Variants in CYRIB observed in about 807,000 individuals in gnomAD.
The protein encoded by CYRIB is CYFIP related Rac1 interactor B.
A neutral mutation model predicts 44.2 loss-of-function variants in CYRIB; 8 were observed. The ratio of observed to expected loss-of-function variants is 0.18; its 90% CI spans 0.11 to 0.33. The LOEUF is 0.33. Among genes scored for constraint, CYRIB ranks in the 10% least tolerant of loss-of-function variants. The pLI, the probability that CYRIB is intolerant of heterozygous loss-of-function variation, is 1.00. For missense variants in CYRIB, 185 were observed against 382.8 expected (o/e 0.48, Z 4.31); for synonymous variants, 131 against 127.2 (o/e 1.03, Z -0.20).
chr8:129,935,085 T>C (rs2092552601), intron 1 of CYRIB, among the ~76,000 whole-genome samples: 1 of 152,240 alleles, frequency 6.6e-6, no homozygotes, highest in African/African-American at 2.4e-5. Context: ...CATCTCGTTA[T>C]TGGGCCACGA....
intron 1 of CYRIB, among the ~76,000 whole-genome samples, chr8:130,015,820 A>G (rs1211506727): frequency 2.0e-5 from 3 of 152,230 alleles, no homozygotes; most frequent in Non-Finnish European, 4.4e-5. Flanking sequence ...TGCTCTTTAA[A>G]CACAGGCGGG....
chr8:129,924,375 G>A (rs1466051815), intron 1 of CYRIB, among the ~76,000 whole-genome samples: 2 of 136,776 alleles, frequency 1.5e-5, no homozygotes, highest in Non-Finnish European at 3.1e-5. Context: ...GGGTAGATCT[G>A]TTTCCAGAAC....
chr8:129,863,374 A>C (rs1218260513), intron 4 of CYRIB, among the ~76,000 whole-genome samples: 1 of 151,978 alleles, frequency 6.6e-6, no homozygotes, highest in Non-Finnish European at 1.5e-5. Flanking sequence ...AAAATACAAA[A>C]ATTAGTCAGG....
At chr8:129,866,712 T>C (rs2053834838) in intron 4 of CYRIB, among the ~76,000 whole-genome samples, 1 of 152,218 alleles carries the variant, frequency 6.6e-6, no homozygotes, top group African/African-American at 2.4e-5. Flanking sequence ...ATTCTCACAA[T>C]ATAAAAATGC....
chr8:129,856,054 A>G (rs560258630), intron 5 of CYRIB, among the ~76,000 whole-genome samples: 1 of 152,358 alleles, frequency 6.6e-6, no homozygotes, highest in Middle Eastern at 3.4e-3. Flanking sequence ...GGCAAGTTTT[A>G]TATTACTTTA....
intron 3 of CYRIB, among the ~76,000 whole-genome samples, chr8:129,877,893 G>A (rs2059680918): frequency 6.6e-6 from 1 of 152,046 alleles, no homozygotes; most frequent in Admixed American, 6.6e-5. Context: ...GAGACAAAGA[G>A]GAAAAGGGAG....
intron 1 of CYRIB, among the ~76,000 whole-genome samples, chr8:129,936,704 CTTTTTTT>C (rs397893033): frequency 1.7e-5 from 2 of 118,244 alleles, no homozygotes; most frequent in East Asian, 2.6e-4. Flanking sequence ...ATATAGCAGT[CTTTTTTT>C]TTTTTTTTTT....
intron 1 of CYRIB, among the ~76,000 whole-genome samples, chr8:129,979,498 T>G (rs1564576119): frequency 6.6e-6 from 1 of 152,222 alleles, no homozygotes; most frequent in African/African-American, 2.4e-5. Context: ...TCTGGAAGGA[T>G]AAGTGAGAAC....
chr8:129,943,562 T>C (rs1292821933), upstream of CYRIB, among the ~76,000 whole-genome samples: 5 of 145,630 alleles, frequency 3.4e-5, no homozygotes, highest in Non-Finnish European at 6.0e-5. Flanking sequence ...ACCACTGCAC[T>C]CCAGCCTGGG....
At chr8:129,988,620 G>A (rs2096544447) in intron 1 of CYRIB, among the ~76,000 whole-genome samples, 1 of 152,142 alleles carries the variant, frequency 6.6e-6, no homozygotes, top group Admixed American at 6.5e-5. Context: ...TCTGCTCCCT[G>A]TGGGCGTTGG....
At chr8:130,016,770 C>T (rs1430371998), upstream of CYRIB, 2 of 150,892 alleles carry the variant, frequency 1.3e-5, no homozygotes, top group African/African-American at 2.4e-5. Flanking sequence ...ACCCCGCGCC[C>T]GCCTGGCCCG....
At chr8:130,007,826 T>G (rs900734114) in intron 1 of CYRIB, among the ~76,000 whole-genome samples, 1 of 151,994 alleles carries the variant, frequency 6.6e-6, no homozygotes, top group East Asian at 1.9e-4. Flanking sequence ...ACTTGCTCCA[T>G]GCTCCATAAA....
chr8:129,871,419 C>T (rs774717317), exon 4 of CYRIB: 1 of 1,611,872 alleles, frequency 6.2e-7, no homozygotes, highest in East Asian at 2.2e-5. Context: ...TGCAAGTCCT[C>T]CAAGATGCCT....
At chr8:130,003,304 C>CCA (rs1264108716) in intron 1 of CYRIB, among the ~76,000 whole-genome samples, 1 of 152,106 alleles carries the variant, frequency 6.6e-6, no homozygotes, top group South Asian at 2.1e-4. Flanking sequence ...GGAAAGATTC[C>CCA]CAAAGTGGGT....
chr8:129,855,493 T>C, intron 6 of CYRIB, 118 bp downstream of exon 8: 2 of 1,047,120 alleles, frequency 1.9e-6, no homozygotes, highest in African/African-American at 1.6e-5. Flanking sequence ...TGCATTTTTA[T>C]TAAGGTCTAG....
Position 129,983,194 on chromosome 8 carries a change from C to A in CYRIB, c.-295-12199G>T, listed in dbSNP as rs559720580. Among the ~76,000 whole-genome samples, 9 of 152,244 alleles carry A rather than the reference C, an allele frequency of 5.9e-5. No individual in the cohort carries two copies. The East Asian group carries it at 1.7e-3, about 29-fold the overall frequency. ...GGCGCAGTGGCTCACGCCTGTAATG[C>A]CAGCACTTTGGGAGGCCGAGGCGGG... On this transcript the variant is annotated intron_variant, in intron 1 of 14. Transcript: ENST00000401979.
chr8:129,929,420 A>G (rs2089965766), intron 1 of CYRIB, among the ~76,000 whole-genome samples: 1 of 152,214 alleles, frequency 6.6e-6, no homozygotes, highest in African/African-American at 2.4e-5. Context: ...GTTAACAGAC[A>G]ACATCCTAGA....
chr8:129,986,612 C>T (rs542579958), intron 1 of CYRIB, among the ~76,000 whole-genome samples: 3 of 152,158 alleles, frequency 2.0e-5, no homozygotes, highest in African/African-American at 7.2e-5. Flanking sequence ...TGAGCTAGCA[C>T]GAGCTCTCTC....
chr8:129,905,868 A>C (rs560677921), intron 1 of CYRIB, among the ~76,000 whole-genome samples: 1 of 152,304 alleles, frequency 6.6e-6, no homozygotes, highest in South Asian at 2.1e-4. Flanking sequence ...AATATTAATT[A>C]ATATTTAAAT....
Sources: allele counts gnomAD v4.1 joint callset (sites outside exome capture counted in the v4.1 genomes callset), GRCh38; gene constraint gnomAD v4.1.1; transcripts MANE v1.5; gene names NCBI Gene and HGNC (gene_info 2026-07-23, HGNC 2026-07-21).